Variants in BRDT observed in about 807,000 individuals in gnomAD.
The protein encoded by BRDT is bromodomain testis associated.
In BRDT, 77 loss-of-function variants were observed where a neutral mutation model predicts 113.9. That is an observed-to-expected ratio of 0.68 (90% CI 0.56 to 0.82). BRDT has a LOEUF of 0.82. BRDT is among the 40% of genes least tolerant of loss of function. The probability of loss-of-function intolerance (pLI) is 0.00; values close to 1 mark genes in which losing one functional copy is unlikely to be tolerated. For missense variants in BRDT, 1,027 were observed against 1,105.4 expected (o/e 0.93, Z 1.01); for synonymous variants, 358 against 366.5 (o/e 0.98, Z 0.26).
chr1:91,981,095 T>C lies in BRDT; in HGVS notation c.1667T>C (p.Phe556Ser). The C allele has an allele frequency of 6.2e-7, 1 of 1,614,050 alleles. No homozygotes were observed. The highest frequency in any genetic ancestry group is 8.5e-7 in the Non-Finnish European group (1 of 1,179,964). Residue 556 changes from phenylalanine to serine, a missense_variant, in exon 10 of 19, where the codon TTT (phenylalanine) becomes TCT (serine). Coordinates refer to ENST00000399546, the MANE Select transcript of BRDT (RefSeq NM_207189.4). ...NSNPDEIEID[F>S]ETLKASTLRE... ...AATCCTGATGAGATAGAGATAGACT[T>C]TGAAACACTGAAAGCATCAACACTA...
intron 18 of BRDT, among the ~76,000 whole-genome samples, chr1:92,012,861 G>A (rs1031264516): frequency 6.6e-6 from 1 of 152,034 alleles, no homozygotes; most frequent in South Asian, 2.1e-4. Flanking sequence ...AGTGAGCTGA[G>A]GTCATGCCAC....
At chr1:91,954,274 T>C (rs1681478419) in intron 1 of BRDT, among the ~76,000 whole-genome samples, 2 of 11,448 alleles carry the variant, frequency 1.7e-4, no homozygotes, top group Non-Finnish European at 4.0e-4. Flanking sequence ...GCTCGGCATT[T>C]TTTTTTTTTT....
At chr1:91,992,225 T>G (rs375011783) in intron 13 of BRDT, 39 bp from the exon 14 acceptor site, 20 of 1,084,738 alleles carry the variant, frequency 1.8e-5, no homozygotes, top group Admixed American at 5.8e-5. Flanking sequence ...GGTTAAGAGA[T>G]AATATGATTA....
chr1:91,968,054 G>A (rs1478733365), intron 3 of BRDT, 92 bp from the exon 4 acceptor site: 3 of 1,313,796 alleles, frequency 2.3e-6, no homozygotes, highest in African/African-American at 3.0e-5. Context: ...GGAGTACTAT[G>A]TTACTGCCTT....
chr1:91,985,831 G>T (rs1343182442), intron 12 of BRDT, among the ~76,000 whole-genome samples: 2 of 151,060 alleles, frequency 1.3e-5, no homozygotes, highest in African/African-American at 2.4e-5. Context: ...GTAGAGACGG[G>T]GTTTCACCGT....
At chr1:91,950,592 A>G (rs1423217115) in intron 1 of BRDT, 4 of 151,974 alleles carry the variant, frequency 2.6e-5, no homozygotes, top group African/African-American at 7.3e-5. Context: ...TAGAAGTTAG[A>G]CTAAAAAGTG....
intron 1 of BRDT, among the ~76,000 whole-genome samples, chr1:91,955,082 G>T (rs1456989587): frequency 6.6e-6 from 1 of 152,138 alleles, no homozygotes; most frequent in Non-Finnish European, 1.5e-5. Flanking sequence ...GAATGTGAGT[G>T]TAAGTGCTTT....
At chr1:91,992,568 C>G (rs1385477160) in intron 14 of BRDT, among the ~76,000 whole-genome samples, 1 of 152,094 alleles carries the variant, frequency 6.6e-6, no homozygotes, top group Non-Finnish European at 1.5e-5. Flanking sequence ...CAGAGTCTCG[C>G]TCTATCACCC....
At chr1:91,950,708 T>TTTTTA (rs1553181942) in intron 1 of BRDT, 3 of 141,714 alleles carry the variant, frequency 2.1e-5, no homozygotes, top group African/African-American at 8.2e-5. Flanking sequence ...TTTTTTTTTT[T>TTTTTA]AATACAGATA....
intron 1 of BRDT, chr1:91,950,831 C>G (rs1241424449): frequency 2.0e-5 from 3 of 151,594 alleles, no homozygotes; most frequent in Non-Finnish European, 4.4e-5. Flanking sequence ...TTGAGACCAG[C>G]CTGGCCGACA....
chr1:92,005,423 G>A (rs1195545145), intron 18 of BRDT, 124 bp downstream of exon 18: 4 of 833,954 alleles, frequency 4.8e-6, no homozygotes, highest in African/African-American at 3.6e-5. Flanking sequence ...TACCTCTTTA[G>A]TGAGGATCAG....
chr1:92,003,623 C>T (rs900900924), intron 16 of BRDT, among the ~76,000 whole-genome samples: 5 of 152,146 alleles, frequency 3.3e-5, no homozygotes, highest in African/African-American at 1.2e-4. Context: ...TTTGACTATA[C>T]ATAACTAGTT....
intron 12 of BRDT, among the ~76,000 whole-genome samples, chr1:91,986,545 G>A (rs1304197398): frequency 6.6e-6 from 1 of 152,190 alleles, no homozygotes; most frequent in African/African-American, 2.4e-5. Context: ...AAGACTTAAA[G>A]TGAATTTGTC....
In BRDT at chr1:91,980,757, AATGAAAATCC is replaced by A. The variant is rs1344111526; in HGVS notation, c.1404_1413del (p.Asn468LysfsTer8). On this transcript the variant is annotated frameshift_variant, in exon 9 of 19. Coordinates refer to ENST00000399546, the MANE Select transcript of BRDT (RefSeq NM_207189.4). LOFTEE classifies it high-confidence loss of function. ...GAAAAAAGAAAAGGTTAATAACAGC[AATGAAAATCC>A]AAGAAAAATGTGTGAGCAAATGAGG... 6.2e-7 allele frequency: 1 copy of A among 1,605,746 alleles called. No individual in the cohort carries two copies. Among genetic ancestry groups the A allele is most frequent in the Admixed American group, 1.7e-5 (1 of 57,828 alleles).
intron 4 of BRDT, among the ~76,000 whole-genome samples, chr1:91,973,643 T>C (rs1683840380): frequency 6.6e-6 from 1 of 152,236 alleles, no homozygotes; most frequent in African/African-American, 2.4e-5. Flanking sequence ...CCTGAGACTT[T>C]GCTGAAGTTG....
chr1:91,950,684 C>CCTTTT (rs745690530), intron 1 of BRDT: 2 of 80,418 alleles, frequency 2.5e-5, no homozygotes, highest in Admixed American at 2.1e-4. Context: ...TGGATAATTG[C>CCTTTT]TTTTTTTTTT....
At chr1:92,012,044 C>G (rs1687839482) in intron 18 of BRDT, among the ~76,000 whole-genome samples, 1 of 152,142 alleles carries the variant, frequency 6.6e-6, no homozygotes. Flanking sequence ...TACAGTGGCT[C>G]ACGCCTATAA....
intron 16 of BRDT, among the ~76,000 whole-genome samples, chr1:92,003,380 CAGA>C (rs1687023667): frequency 6.6e-6 from 1 of 152,018 alleles, no homozygotes; most frequent in Admixed American, 6.6e-5. Flanking sequence ...AGAAATTCAG[CAGA>C]AGATGTTTTA....
chr1:91,951,109 T>G (rs1681028089), intron 1 of BRDT, among the ~76,000 whole-genome samples: 1 of 152,078 alleles, frequency 6.6e-6, no homozygotes, highest in South Asian at 2.1e-4. Context: ...CAGCCTGAAC[T>G]GACCTCAAGC....
Sources: allele counts gnomAD v4.1 joint callset (sites outside exome capture counted in the v4.1 genomes callset), GRCh38; gene constraint gnomAD v4.1.1; transcripts MANE v1.5; gene names NCBI Gene and HGNC (gene_info 2026-07-23, HGNC 2026-07-21).